The following NRCAM variants were observed in gnomAD, a reference collection of about 807,000 sequenced individuals.
NRCAM encodes the protein NgCAM-related cell adhesion molecule.
NRCAM carries 83 observed loss-of-function variants against 156.5 expected under a neutral mutation model. That is an observed-to-expected ratio of 0.53 (90% confidence interval 0.44 to 0.64). NRCAM has a LOEUF of 0.64. Ranked by LOEUF, NRCAM falls within the 30% of genes least tolerant of loss-of-function variation. The pLI is 0.00. For missense variants in NRCAM, 1,417 were observed against 1,597.3 expected, an observed-to-expected ratio of 0.89 and a Z score of 1.92; for synonymous variants, 538 against 563.9, an observed-to-expected ratio of 0.95 and a Z score of 0.65.
chr7:108,173,487 T>C (rs1456554763), intron 28 of NRCAM, among the ~76,000 whole-genome samples: 1 of 152,126 alleles, frequency 6.6e-6, no homozygotes, highest in African/African-American at 2.4e-5. Flanking sequence ...GTGAAGAGGA[T>C]AGAATTCATT....
intron 1 of NRCAM, among the ~76,000 whole-genome samples, chr7:108,445,094 T>C (rs1361980350): frequency 6.6e-6 from 1 of 152,212 alleles, no homozygotes; most frequent in African/African-American, 2.4e-5. Flanking sequence ...GCTTTATTGG[T>C]TTATGGGGTT....
chr7:108,200,737 TACAC>T (rs61489479), intron 13 of NRCAM, among the ~76,000 whole-genome samples: 21,169 of 134,652 alleles, frequency 0.16, 1,646 homozygotes, highest in South Asian at 0.22. Context: ...GATAAAGAAA[TACAC>T]ACACACACAC....
chr7:108,325,453 G>T (rs2099057724), intron 2 of NRCAM, among the ~76,000 whole-genome samples: 1 of 151,592 alleles, frequency 6.6e-6, no homozygotes, highest in Non-Finnish European at 1.5e-5. Flanking sequence ...TTTTTTCCTG[G>T]ATCTTGGAGT....
At chr7:108,267,444 C>G (rs752118337) in intron 3 of NRCAM, among the ~76,000 whole-genome samples, 3 of 152,134 alleles carry the variant, frequency 2.0e-5, no homozygotes, top group Non-Finnish European at 4.4e-5. Flanking sequence ...GGCTTTGGGC[C>G]TTGAGAATCC....
chr7:108,207,480 A>G (rs1563444031), intron 13 of NRCAM, 48 bp downstream of exon 13: 2 of 1,590,940 alleles, frequency 1.3e-6, no homozygotes, highest in Admixed American at 3.4e-5. Context: ...CGGGATGTAT[A>G]TATGCTCTGA....
At chr7:108,279,913 C>T in intron 3 of NRCAM, among the ~76,000 whole-genome samples, 1 of 152,080 alleles carries the variant, frequency 6.6e-6, no homozygotes, top group Non-Finnish European at 1.5e-5. Flanking sequence ...TGTAATTTAA[C>T]AGCTACATAA....
At position 108,167,040 on chromosome 7, in the gene NRCAM, CCAT is replaced by C; in HGVS notation, c.3344_3346del (p.Asn1115_Gly1116delinsSer). ...CTTTAACCCAAAGAAGCTCCGAGAACCATTTACAATTTCTTTTCTCCATTCTTC... is the reference window on the plus strand; with the variant it reads ...CTTTAACCCAAAGAAGCTCCGAGAACTTACAATTTCTTTTCTCCATTCTTC... On this transcript the variant is annotated inframe_deletion, in exon 30 of 33. Transcript: ENST00000379028. 6.2e-7 allele frequency: 1 copy of C among 1,613,836 alleles called. No individual in the cohort carries two copies. Among genetic ancestry groups the C allele is most frequent in the Non-Finnish European group, 8.5e-7 (1 of 1,179,814 alleles).
chr7:108,303,848 T>TA (rs2098672424), intron 3 of NRCAM, among the ~76,000 whole-genome samples: 1 of 152,180 alleles, frequency 6.6e-6, no homozygotes, highest in African/African-American at 2.4e-5. Context: ...ATATCACTAT[T>TA]ACACCTTTAC....
In NRCAM at chr7:108,184,473, C is replaced by T. The variant is rs372395960; in HGVS notation, c.2177G>A (p.Ser726Asn). Residue 726 changes from serine to asparagine, a missense_variant, in exon 21 of 33, where the codon AGC becomes AAC. By Grantham distance (46) the Ser-to-Asn change is conservative. This residue lies in a region of NRCAM where 1,238 missense variants were observed against 1,336.4 expected (regional missense o/e 0.93). Transcript: ENST00000379028. ...CTCGCTGGGCAAGCTCTTCCCAATG[C>T]TGTTCACTGCCATCACGCGGAAGGA... ...NYSFRVMAVN[S>N]IGKSLPSEAS... The T allele has an allele frequency of 5.5e-5, 88 of 1,614,082 alleles. No homozygotes were observed. The highest frequency in any genetic ancestry group is 7.0e-5 in the Non-Finnish European group (83 of 1,180,034).
chr7:108,390,827 T>C (rs1481737663), intron 2 of NRCAM, among the ~76,000 whole-genome samples: 1 of 152,258 alleles, frequency 6.6e-6, no homozygotes. Context: ...CATTTCATTA[T>C]GTACCCAGTA....
chr7:108,253,170 G>T (rs58432175), intron 3 of NRCAM, among the ~76,000 whole-genome samples: 10,303 of 152,234 alleles, frequency 0.068, 481 homozygotes, highest in African/African-American at 0.12. Flanking sequence ...TTAGATGCTA[G>T]GGGGGATTCA....
intron 1 of NRCAM, among the ~76,000 whole-genome samples, chr7:108,420,747 A>T (rs932886612): frequency 2.6e-5 from 4 of 152,192 alleles, no homozygotes; most frequent in Admixed American, 2.0e-4. Context: ...CAAGGGCCAA[A>T]GTAGAAACCC....
chr7:108,345,524 A>G (rs2099346777), intron 2 of NRCAM, among the ~76,000 whole-genome samples: 1 of 152,208 alleles, frequency 6.6e-6, no homozygotes, highest in Non-Finnish European at 1.5e-5. Context: ...CATATAGTGA[A>G]ACCCTAATCT....
chr7:108,385,920 AG>A (rs2099739373), intron 2 of NRCAM, among the ~76,000 whole-genome samples: 1 of 131,814 alleles, frequency 7.6e-6, no homozygotes, highest in South Asian at 2.8e-4. Context: ...GGAGGGAGGG[AG>A]GGAGGGAGAG....
intron 3 of NRCAM, among the ~76,000 whole-genome samples, chr7:108,269,281 A>G (rs1222137902): frequency 6.6e-6 from 1 of 152,196 alleles, no homozygotes; most frequent in East Asian, 1.9e-4. Flanking sequence ...CTTTTGTCTC[A>G]GGTTTCAACA....
intron 2 of NRCAM, among the ~76,000 whole-genome samples, chr7:108,339,822 A>C (rs1427786834): frequency 1.3e-5 from 2 of 152,224 alleles, no homozygotes; most frequent in East Asian, 3.9e-4. Flanking sequence ...TTCCCCCTCA[A>C]GGCAAAAACA....
At chr7:108,362,975 A>G (rs1434359573) in intron 2 of NRCAM, among the ~76,000 whole-genome samples, 1 of 152,166 alleles carries the variant, frequency 6.6e-6, no homozygotes, top group Non-Finnish European at 1.5e-5. Context: ...GTGCAAGATG[A>G]GCCTGGAGCA....
intron 3 of NRCAM, among the ~76,000 whole-genome samples, chr7:108,280,048 C>A (rs2097791983): frequency 6.6e-6 from 1 of 152,200 alleles, no homozygotes; most frequent in Non-Finnish European, 1.5e-5. Flanking sequence ...AAAAACAAAT[C>A]TTAGGTCTCT....
chr7:108,168,710 A>G (rs893867689), intron 28 of NRCAM, among the ~76,000 whole-genome samples: 1 of 152,182 alleles, frequency 6.6e-6, no homozygotes, highest in African/African-American at 2.4e-5. Context: ...CACCGTCTTC[A>G]TTTACTAAAG....
Sources: allele counts gnomAD v4.1 joint callset (sites outside exome capture counted in the v4.1 genomes callset), GRCh38; gene constraint gnomAD v4.1.1; regional missense constraint gnomAD v4.1.1; transcripts MANE v1.5; gene names NCBI Gene and HGNC (gene_info 2026-07-23, HGNC 2026-07-21).